Variants in KALRN observed in about 807,000 individuals in gnomAD.
The protein encoded by KALRN is kalirin RhoGEF kinase, also known as kalirin.
KALRN carries 70 observed loss-of-function variants against 353.7 expected under a neutral mutation model. The observed-to-expected ratio is 0.20, with a 90% confidence interval of 0.16 to 0.24. The LOEUF (loss-of-function observed/expected upper bound fraction) is 0.24, where lower values mean the gene tolerates loss of function less well. Among genes scored for constraint, KALRN ranks in the 10% least tolerant of loss-of-function variants. KALRN has a pLI of 1.00. For missense variants in KALRN, 2,791 were observed against 3,756.7 expected (o/e 0.74, Z 6.72); for synonymous variants, 1,391 against 1,434.8 (o/e 0.97, Z 0.69).
intron 18 of KALRN, among the ~76,000 whole-genome samples, 175 bp from the exon 19 acceptor site, chr3:124,441,770 G>A (rs114949183): frequency 0.026 from 4,010 of 151,686 alleles, 188 homozygotes; most frequent in African/African-American, 0.09. Context: ...AGACTGCGGT[G>A]AGCTATGATC....
intron 37 of KALRN, among the ~76,000 whole-genome samples, chr3:124,638,405 C>G (rs950461042): frequency 4.6e-5 from 7 of 151,630 alleles, no homozygotes; most frequent in African/African-American, 1.5e-4. Context: ...GTCTATTTTC[C>G]TGCCATCTTT....
At chr3:124,291,817 T>C (rs1164473598) in intron 5 of KALRN, among the ~76,000 whole-genome samples, 2 of 152,154 alleles carry the variant, frequency 1.3e-5, no homozygotes, top group Non-Finnish European at 2.9e-5. Flanking sequence ...AAAAATGGCT[T>C]CTCTTTTACA....
chr3:124,698,243 T>A (rs1384633842), intron 55 of KALRN, among the ~76,000 whole-genome samples: 2 of 152,268 alleles, frequency 1.3e-5, no homozygotes, highest in African/African-American at 2.4e-5. Flanking sequence ...CCGGAAGTGC[T>A]GGGATTACAG....
intron 34 of KALRN, among the ~76,000 whole-genome samples, chr3:124,630,734 A>G (rs2080676761): frequency 6.6e-6 from 1 of 152,228 alleles, no homozygotes; most frequent in Non-Finnish European, 1.5e-5. Context: ...GAATGAAATG[A>G]TAGTCCACAT....
chr3:124,563,733 A>G (rs1210605918), intron 34 of KALRN, among the ~76,000 whole-genome samples: 2 of 152,186 alleles, frequency 1.3e-5, no homozygotes, highest in East Asian at 3.8e-4. Flanking sequence ...TCCTCATGAC[A>G]GTGTTTCTTT....
intron 1 of KALRN, among the ~76,000 whole-genome samples, chr3:124,216,558 C>T (rs1451736537): frequency 6.6e-6 from 1 of 152,160 alleles, no homozygotes; most frequent in Non-Finnish European, 1.5e-5. Flanking sequence ...GGTTTATAGG[C>T]CTGCTTCAGT....
At position 124,245,725 on chromosome 3, in the gene KALRN, G is replaced by A. The variant is rs537683111; in HGVS notation, c.263+10782G>A. Among the ~76,000 whole-genome samples, 3 of 151,682 alleles carry A rather than the reference G, an allele frequency of 2.0e-5. No individual in the cohort carries two copies. In the South Asian group the frequency reaches 6.3e-4, roughly 32 times the overall value. On this transcript the variant is annotated intron_variant, in intron 3 of 59. Coordinates refer to ENST00000682506, the MANE Select transcript of KALRN (RefSeq NM_001388419.1). ...GTAGCCATTCTAAATGAGGTGAGATGATATCTTATATGGTTTTGAGTTGCA... is the reference window on the plus strand; with the variant it reads ...GTAGCCATTCTAAATGAGGTGAGATAATATCTTATATGGTTTTGAGTTGCA...
chr3:124,208,140 C>T (rs1335040024), intron 1 of KALRN, among the ~76,000 whole-genome samples: 1 of 152,216 alleles, frequency 6.6e-6, no homozygotes, highest in Admixed American at 6.5e-5. Flanking sequence ...GCTTGAGGAC[C>T]TGCGCTTTCT....
At chr3:124,481,082 C>T (rs1016017355) in intron 27 of KALRN, among the ~76,000 whole-genome samples, 8 of 152,116 alleles carry the variant, frequency 5.3e-5, no homozygotes, top group Non-Finnish European at 1.0e-4. Context: ...TTGCAATAGC[C>T]TCATAACTTG....
At chr3:124,415,996 T>A (rs1203921116) in intron 14 of KALRN, among the ~76,000 whole-genome samples, 2 of 152,224 alleles carry the variant, frequency 1.3e-5, no homozygotes, top group Admixed American at 1.3e-4. Flanking sequence ...TCTCTGTGAT[T>A]GGGAATCTTA....
chr3:124,401,972 T>G (rs3772744), intron 13 of KALRN, among the ~76,000 whole-genome samples: 28,336 of 152,110 alleles, frequency 0.19, 3,502 homozygotes, highest in East Asian at 0.61. Flanking sequence ...TATGCTGACA[T>G]AAGCCAGGGC....
At chr3:124,463,756 C>A (rs1015678980) in intron 25 of KALRN, among the ~76,000 whole-genome samples, 1 of 152,052 alleles carries the variant, frequency 6.6e-6, no homozygotes, top group Admixed American at 6.5e-5. Flanking sequence ...TGTAATAGGT[C>A]CAGATAAGGG....
rs140453802 is a variant in KALRN at position 124,674,594 on chromosome 3, A to G, written c.7173A>G (p.Glu2391=). The G allele has an allele frequency of 9.4e-6, 15 of 1,602,014 alleles. No individual in the cohort carries two copies. The African/African-American group carries it at 1.7e-4, about 19-fold the overall frequency. Residue 2391 remains glutamate, a synonymous_variant, in exon 49 of 60, where the codon GAA becomes GAG. Coordinates refer to ENST00000682506, the MANE Select transcript of KALRN (RefSeq NM_001388419.1). ...CCCTCACCAAAGCCACAGCAGCAGA[A>G]AGTAGTGACGGGAGCATCAAGTAAG... ...LAPLTKATAA[E]SSDGSIKKSC...
chr3:124,244,170 A>G (rs944392164), intron 3 of KALRN, among the ~76,000 whole-genome samples: 5 of 152,208 alleles, frequency 3.3e-5, no homozygotes, highest in Admixed American at 3.3e-4. Flanking sequence ...GAGTTTTTTA[A>G]AGCTCTTGTA....
intron 1 of KALRN, among the ~76,000 whole-genome samples, chr3:124,127,674 T>C (rs1472070846): frequency 6.6e-6 from 1 of 152,246 alleles, no homozygotes; most frequent in Non-Finnish European, 1.5e-5. Flanking sequence ...AAAGTGCTCA[T>C]GATTCCATGA....
chr3:124,326,815 G>T (rs930572154), intron 7 of KALRN, among the ~76,000 whole-genome samples: 1 of 152,138 alleles, frequency 6.6e-6, no homozygotes, highest in East Asian at 1.9e-4. Context: ...AGAACTGGTT[G>T]TCACATTCTA....
At chr3:124,366,783 G>A (rs1276921251) in intron 10 of KALRN, among the ~76,000 whole-genome samples, 74 of 148,936 alleles carry the variant, frequency 5.0e-4, no homozygotes, top group African/African-American at 1.6e-3. Context: ...AAGGGCCGCC[G>A]GGCAGAGGCG....
intron 34 of KALRN, among the ~76,000 whole-genome samples, chr3:124,597,732 T>C (rs1037837541): frequency 1.3e-5 from 2 of 152,176 alleles, no homozygotes; most frequent in Non-Finnish European, 1.5e-5. Context: ...AATTTTTATA[T>C]TGGTTATATA....
At chr3:124,381,761 C>A (rs1002137828) in intron 10 of KALRN, among the ~76,000 whole-genome samples, 1 of 152,170 alleles carries the variant, frequency 6.6e-6, no homozygotes, top group Admixed American at 6.5e-5. Flanking sequence ...TGCATACCAG[C>A]CACAGCACTT....
Sources: allele counts gnomAD v4.1 joint callset (sites outside exome capture counted in the v4.1 genomes callset), GRCh38; gene constraint gnomAD v4.1.1; transcripts MANE v1.5; gene names NCBI Gene and HGNC (gene_info 2026-07-23, HGNC 2026-07-21).